The following CARM1 variants were observed in gnomAD, a reference collection of about 807,000 sequenced individuals.
CARM1 encodes histone-arginine methyltransferase CARM1.
Under a neutral mutation model 72.7 loss-of-function variants are expected in CARM1, and 14 were observed. That is an observed-to-expected ratio of 0.19 (90% CI 0.13 to 0.30). The LOEUF (loss-of-function observed/expected upper bound fraction) is 0.30. Among genes scored for constraint, CARM1 ranks in the 10% least tolerant of loss-of-function variants. CARM1 has a pLI of 1.00. For synonymous variants in CARM1, 333 were observed against 345.5 expected (o/e 0.96, Z 0.40); for missense variants, 432 against 833.7 (o/e 0.52, Z 5.93).
At chr19:10,898,023 C>T (rs1446110408) in intron 1 of CARM1, among the ~76,000 whole-genome samples, 4 of 151,822 alleles carry the variant, frequency 2.6e-5, no homozygotes, top group Admixed American at 6.6e-5. Context: ...AGGAGAATGG[C>T]GTGAACCCCA....
chr19:10,890,991 A>G (rs1404318236), intron 1 of CARM1, among the ~76,000 whole-genome samples: 1 of 151,348 alleles, frequency 6.6e-6, no homozygotes, highest in Non-Finnish European at 1.5e-5. Flanking sequence ...GTTCCCAAGC[A>G]GTGTGTGAAG....
intron 2 of CARM1, 65 bp downstream of exon 2, chr19:10,905,141 G>T: frequency 6.3e-7 from 1 of 1,581,024 alleles, no homozygotes; most frequent in South Asian, 1.1e-5. Flanking sequence ...GGTGGGCAGG[G>T]GCGTAGAGCC....
intron 1 of CARM1, among the ~76,000 whole-genome samples, chr19:10,885,171 C>T (rs990917277): frequency 2.0e-5 from 3 of 152,216 alleles, no homozygotes; most frequent in Non-Finnish European, 4.4e-5. Flanking sequence ...GCCCCTCTTT[C>T]CCTGTCTGTT....
intron 1 of CARM1, among the ~76,000 whole-genome samples, chr19:10,901,303 G>T (rs1273369670): frequency 5.3e-5 from 8 of 151,476 alleles, no homozygotes; most frequent in Non-Finnish European, 1.2e-4. Flanking sequence ...TTGTTTGTTT[G>T]TTTTTGTTTT....
intron 4 of CARM1, 25 bp downstream of exon 4, chr19:10,909,232 CCT>C: frequency 7.0e-7 from 1 of 1,434,982 alleles, no homozygotes; most frequent in Non-Finnish European, 9.8e-7. Context: ...CATGTGCCCA[CCT>C]CTCTGCTTCT....
At chr19:10,881,523 C>T (rs1257249446) in intron 1 of CARM1, among the ~76,000 whole-genome samples, 1 of 151,840 alleles carries the variant, frequency 6.6e-6, no homozygotes, top group Non-Finnish European at 1.5e-5. Flanking sequence ...GGTCAGATGC[C>T]GTGAGAGGTC....
intron 1 of CARM1, among the ~76,000 whole-genome samples, chr19:10,895,191 G>A (rs2074015674): frequency 6.6e-6 from 1 of 152,080 alleles, no homozygotes; most frequent in African/African-American, 2.4e-5. Context: ...TGCAACCTCC[G>A]CCTCCCAGGT....
intron 1 of CARM1, among the ~76,000 whole-genome samples, chr19:10,894,840 A>T (rs1045985935): frequency 7.9e-5 from 12 of 151,004 alleles, no homozygotes; most frequent in Non-Finnish European, 1.3e-4. Context: ...TCCCAGGCTC[A>T]AGGGATTTTC....
At chr19:10,879,509 T>C (rs1442020649) in intron 1 of CARM1, among the ~76,000 whole-genome samples, 1 of 152,086 alleles carries the variant, frequency 6.6e-6, no homozygotes, top group Middle Eastern at 3.2e-3. Context: ...GGAGAGGTGC[T>C]CCAGTGGGCC....
Position 10,884,766 on chromosome 19 carries a change from G to A in CARM1, c.220+12844G>A, listed in dbSNP as rs149382036. Among the ~76,000 whole-genome samples, 584 of 152,080 alleles carry A rather than the reference G, an allele frequency of 3.8e-3. 3 individuals are homozygous for A. The highest frequency in any genetic ancestry group is 0.013 in the African/African-American group (530 of 41,478). Reference sequence around the variant, plus strand: ...GTCCCCCAGGCTGGAGTGCAGTAGCGTGATCTCAGCTCACTGCAACCTCCG... The same window carrying A: ...GTCCCCCAGGCTGGAGTGCAGTAGCATGATCTCAGCTCACTGCAACCTCCG... On this transcript the variant is annotated intron_variant, in intron 1 of 15. Coordinates refer to ENST00000327064, the MANE Select transcript of CARM1 (RefSeq NM_199141.2).
intron 1 of CARM1, among the ~76,000 whole-genome samples, chr19:10,892,331 C>T (rs1028273854): frequency 6.6e-6 from 1 of 152,200 alleles, no homozygotes; most frequent in African/African-American, 2.4e-5. Flanking sequence ...GGGGAAGTGC[C>T]CGTTCAGGGC....
intron 2 of CARM1, among the ~76,000 whole-genome samples, chr19:10,905,930 C>T (rs1052046623): frequency 1.9e-4 from 27 of 139,444 alleles, no homozygotes; most frequent in African/African-American, 6.2e-4. Flanking sequence ...TGTGAGCCAC[C>T]GTGCCCGGCC....
Position 10,912,057 on chromosome 19 carries a change from C to G in CARM1, c.559-127C>G, listed in dbSNP as rs912226223. 7 of 762,488 alleles carry G rather than the reference C, an allele frequency of 9.2e-6. No homozygotes were observed. The highest frequency in any genetic ancestry group is 1.7e-5 in the African/African-American group (1 of 58,716). The allele number at this position is 762,488 out of a possible 1,614,324, so 47.2% of individuals were successfully genotyped here. On this transcript the variant is annotated intron_variant, in intron 4 of 15. Transcript: ENST00000327064. The surrounding 1 kb of genome is among the most constrained non-coding windows in gnomAD (Gnocchi z 4.5). ...GTTCTCGCTTCATTTTGACCAAGAG[C>G]CCATAAAGGGCAAACATTGAGAGTG...
At chr19:10,892,092 T>C (rs1049380250) in intron 1 of CARM1, among the ~76,000 whole-genome samples, 2 of 152,214 alleles carry the variant, frequency 1.3e-5, no homozygotes, top group African/African-American at 4.8e-5. Flanking sequence ...TGTGGCTCGA[T>C]CATTTAACAT....
chr19:10,907,058 C>G lies in CARM1; in HGVS notation c.347-981C>G, dbSNP rs955391729. ...AGTAGCTGGGATTACAGGTGCCCGC[C>G]ACCACCCCTGGCTAATTTCTGTATT... On this transcript the variant is annotated intron_variant, in intron 2 of 15. Transcript: ENST00000327064. Among the ~76,000 whole-genome samples the G allele has an allele frequency of 2.6e-5, 4 of 151,728 alleles. 1 individual carries two copies. Among genetic ancestry groups the G allele is most frequent in the Admixed American group, 2.6e-4 (4 of 15,188 alleles).
Position 10,921,709 on chromosome 19 carries a change from G to A in CARM1, c.1779G>A (p.Met593Ile). 6.2e-7 allele frequency: 1 copy of A among 1,613,540 alleles called. No individual in the cohort carries two copies. The highest frequency in any genetic ancestry group is 8.5e-7 in the Non-Finnish European group (1 of 1,179,810). The change falls in exon 16 of 16, where the codon ATG becomes ATA. Residue 593 changes from methionine to isoleucine, a missense_variant. Met to Ile is a conservative substitution (Grantham distance 10). This residue lies in a region of CARM1 where 142 missense variants were observed against 188.7 expected (regional missense o/e 0.75). Transcript: ENST00000327064. ...QFTMGGPAIS[M>I]ASPMSIPTNT... The stretch of plus-strand genomic sequence containing the variant: ...CCATGGGCGGCCCCGCCATCTCCAT[G>A]GCGTCGCCCATGTCCATCCCGACCA...
chr19:10,891,240 G>C (rs1023222652), intron 1 of CARM1, among the ~76,000 whole-genome samples: 2 of 152,072 alleles, frequency 1.3e-5, no homozygotes, highest in Admixed American at 1.3e-4. Flanking sequence ...GGGCATGGGT[G>C]GGTTCGTCCT....
intron 1 of CARM1, among the ~76,000 whole-genome samples, chr19:10,892,033 A>G (rs937780109): frequency 2.0e-5 from 3 of 152,022 alleles, no homozygotes; most frequent in Non-Finnish European, 4.4e-5. Context: ...TTCCCCGCCC[A>G]TCTGTACACC....
At chr19:10,891,745 A>C (rs983919836) in intron 1 of CARM1, among the ~76,000 whole-genome samples, 1 of 152,204 alleles carries the variant, frequency 6.6e-6, no homozygotes, top group Non-Finnish European at 1.5e-5. Flanking sequence ...ACAAGGGAGA[A>C]ATTCAAGCCA....
Sources: allele counts gnomAD v4.1 joint callset (sites outside exome capture counted in the v4.1 genomes callset), GRCh38; gene constraint gnomAD v4.1.1; regional missense constraint gnomAD v4.1.1; non-coding constraint Gnocchi (gnomAD v3.1); transcripts MANE v1.5; gene names NCBI Gene and HGNC (gene_info 2026-07-23, HGNC 2026-07-21).